The following ACBD6 variants were observed in gnomAD, a reference collection of about 807,000 sequenced individuals.
ACBD6 encodes acyl-CoA-binding domain-containing protein 6.
ACBD6 carries 28 observed loss-of-function variants against 37.2 expected under a neutral mutation model. The ratio of observed to expected loss-of-function variants is 0.75; its 90% CI spans 0.56 to 1.03. ACBD6 has a LOEUF of 1.03. Ranked by LOEUF, ACBD6 falls within the 50% of genes least tolerant of loss-of-function variation. The pLI, the probability that ACBD6 is intolerant of heterozygous loss-of-function variation, is 0.00. For missense variants in ACBD6, 340 were observed against 337.4 expected (o/e 1.01, Z -0.06); for synonymous variants, 113 against 126.8 (o/e 0.89, Z 0.73).
At chr1:180,407,458 G>C (rs2101965597) in intron 5 of ACBD6, among the ~76,000 whole-genome samples, 1 of 152,276 alleles carries the variant, frequency 6.6e-6, no homozygotes, top group Middle Eastern at 3.4e-3. Flanking sequence ...CTGTGTTCTA[G>C]GCACTTATTC....
downstream of ACBD6, among the ~76,000 whole-genome samples, chr1:180,283,844 T>C (rs1649386542): frequency 6.6e-6 from 1 of 152,134 alleles, no homozygotes; most frequent in Admixed American, 6.5e-5. Flanking sequence ...GAAATTCTCA[T>C]TGAAGCATTT....
intron 3 of ACBD6, among the ~76,000 whole-genome samples, chr1:180,464,085 A>C (rs1650253760): frequency 6.6e-6 from 1 of 152,206 alleles, no homozygotes; most frequent in Non-Finnish European, 1.5e-5. Flanking sequence ...TGACAAACCC[A>C]CAGCCAACAT....
intron 1 of ACBD6, among the ~76,000 whole-genome samples, chr1:180,500,247 C>A (rs1571589650): frequency 6.6e-6 from 1 of 151,782 alleles, no homozygotes; most frequent in Admixed American, 6.6e-5. Flanking sequence ...AAAGTTTACA[C>A]ATTTTTAATA....
chr1:180,484,832 G>C (rs1464635060), intron 3 of ACBD6, among the ~76,000 whole-genome samples: 1 of 152,078 alleles, frequency 6.6e-6, no homozygotes, highest in South Asian at 2.1e-4. Context: ...TTGGGAGGCT[G>C]AGGCGGGTGG....
At chr1:180,442,029 T>G (rs1649300371) in intron 3 of ACBD6, among the ~76,000 whole-genome samples, 1 of 152,224 alleles carries the variant, frequency 6.6e-6, no homozygotes, top group African/African-American at 2.4e-5. Context: ...TTGAAAGCTA[T>G]TATAACTTAA....
intron 3 of ACBD6, among the ~76,000 whole-genome samples, chr1:180,488,730 T>A (rs886188578): frequency 4.7e-4 from 71 of 152,048 alleles, no homozygotes; most frequent in Non-Finnish European, 5.6e-4. Flanking sequence ...CACACCACCA[T>A]GCCTGGCTAA....
At chr1:180,484,723 C>T (rs68010689) in intron 3 of ACBD6, among the ~76,000 whole-genome samples, 16,102 of 152,036 alleles carry the variant, frequency 0.11, 1,225 homozygotes, top group African/African-American at 0.21. Context: ...TGTATCTACG[C>T]ACGTATGTAT....
intron 6 of ACBD6, among the ~76,000 whole-genome samples, chr1:180,347,542 A>T (rs1468982488): frequency 2.6e-5 from 4 of 152,024 alleles, no homozygotes; most frequent in African/African-American, 9.7e-5. Context: ...AATTTAGTAG[A>T]AACAGGGTTT....
At chr1:180,309,296 C>G (rs1053336437) in intron 7 of ACBD6, among the ~76,000 whole-genome samples, 2 of 152,168 alleles carry the variant, frequency 1.3e-5, no homozygotes, top group African/African-American at 2.4e-5. Flanking sequence ...GTCAGAAATG[C>G]TTTTTGAAAA....
chr1:180,416,738 T>G (rs1571481000), intron 4 of ACBD6, among the ~76,000 whole-genome samples: 1 of 152,268 alleles, frequency 6.6e-6, no homozygotes, highest in East Asian at 1.9e-4. Context: ...GGGAGAGTGT[T>G]TAAGTACGGC....
chr1:180,501,566 C>T (rs1356169936), intron 1 of ACBD6, among the ~76,000 whole-genome samples: 1 of 152,214 alleles, frequency 6.6e-6, no homozygotes, highest in African/African-American at 2.4e-5. Flanking sequence ...GATCCTCCCG[C>T]CTCGGCCTCC....
chr1:180,464,170 G>C (rs544514287), intron 3 of ACBD6, among the ~76,000 whole-genome samples: 13 of 152,184 alleles, frequency 8.5e-5, no homozygotes, highest in African/African-American at 3.1e-4. Context: ...ATTCAACATA[G>C]TATTGGAAGT....
intron 6 of ACBD6, among the ~76,000 whole-genome samples, chr1:180,349,414 C>T (rs1458550355): frequency 6.6e-6 from 1 of 151,622 alleles, no homozygotes; most frequent in Non-Finnish European, 1.5e-5. Context: ...CGCCACCACG[C>T]CTGGCTAATT....
At chr1:180,494,527 A>T (rs1321155532) in intron 2 of ACBD6, among the ~76,000 whole-genome samples, 1 of 152,224 alleles carries the variant, frequency 6.6e-6, no homozygotes, top group Non-Finnish European at 1.5e-5. Context: ...TTAGTGACAT[A>T]CGTGATTTAT....
chr1:180,432,764 A>G (rs1051141014), intron 3 of ACBD6, among the ~76,000 whole-genome samples: 3 of 152,188 alleles, frequency 2.0e-5, no homozygotes, highest in African/African-American at 7.2e-5. Flanking sequence ...ATCATAAGAG[A>G]TAACTATGAA....
intron 6 of ACBD6, among the ~76,000 whole-genome samples, chr1:180,379,088 T>A (rs1653549192): frequency 6.6e-6 from 1 of 151,980 alleles, no homozygotes. Flanking sequence ...GGCATCCCAG[T>A]CCCCAGAAAA....
chr1:180,451,379 A>G (rs544705226), intron 3 of ACBD6, among the ~76,000 whole-genome samples: 1 of 152,354 alleles, frequency 6.6e-6, no homozygotes, highest in East Asian at 1.9e-4. Flanking sequence ...TCCTGGATAT[A>G]TATCCATTAG....
At chr1:180,311,583 G>A (rs2149289603) in intron 7 of ACBD6, among the ~76,000 whole-genome samples, 1 of 152,158 alleles carries the variant, frequency 6.6e-6, no homozygotes, top group South Asian at 2.1e-4. Context: ...GACCATATTT[G>A]CCCAGGACAG....
At chr1:180,335,102 G>A in intron 6 of ACBD6, among the ~76,000 whole-genome samples, 1 of 152,186 alleles carries the variant, frequency 6.6e-6, no homozygotes, top group East Asian at 1.9e-4. Context: ...ATATTATCCA[G>A]GAGAACTTCC....
Sources: gnomAD v4.1 joint callset for allele counts (sites outside exome capture counted in the v4.1 genomes callset) on GRCh38, gnomAD v4.1.1 for gene constraint, MANE v1.5 for transcripts, NCBI Gene and HGNC (gene_info 2026-07-23, HGNC 2026-07-21) for gene names.